Variants in CACNG2 observed in about 807,000 individuals in gnomAD.
CACNG2 encodes calcium voltage-gated channel auxiliary subunit gamma 2, also known as voltage-dependent calcium channel gamma-2 subunit.
Under a neutral mutation model 25.9 loss-of-function variants are expected in CACNG2, and 3 were observed. The ratio of observed to expected loss-of-function variants is 0.12; its 90% confidence interval spans 0.05 to 0.30. The LOEUF is 0.30. CACNG2 is among the 10% of genes least tolerant of loss of function. The pLI is 1.00. For missense variants in CACNG2, 341 were observed against 432.5 expected (o/e 0.79, Z 1.88); for synonymous variants, 167 against 173.3 (o/e 0.96, Z 0.29).
intron 1 of CACNG2, among the ~76,000 whole-genome samples, chr22:36,672,193 G>A (rs981816093): frequency 2.0e-5 from 3 of 151,246 alleles, no homozygotes; most frequent in African/African-American, 7.3e-5. Context: ...GGGTTTCTCT[G>A]TTACCCAGGC....
intron 1 of CACNG2, among the ~76,000 whole-genome samples, chr22:36,690,369 C>A (rs12166619): frequency 7.6e-3 from 6 of 788 alleles, no homozygotes; most frequent in South Asian, 0.12. Context: ...TTTTTCCCCC[C>A]AAGGAACCAA....
chr22:36,660,248 C>CAAATATTTGCCAAATTCCCTTCCA (rs1285338689), intron 1 of CACNG2, among the ~76,000 whole-genome samples: 17 of 152,354 alleles, frequency 1.1e-4, no homozygotes, highest in Middle Eastern at 3.4e-3. Context: ...GGCTGCTCAG[C>CAAATATTTGCCAAATTCCCTTCCA]AAATATTTGC....
intron 1 of CACNG2, among the ~76,000 whole-genome samples, chr22:36,658,821 G>A (rs1205431253): frequency 6.6e-6 from 1 of 152,150 alleles, no homozygotes; most frequent in Non-Finnish European, 1.5e-5. Flanking sequence ...GGGCAAGAGT[G>A]TGCGGGGAAG....
intron 1 of CACNG2, among the ~76,000 whole-genome samples, chr22:36,698,537 G>C (rs953904142): frequency 7.9e-5 from 12 of 152,062 alleles, no homozygotes; most frequent in Non-Finnish European, 1.6e-4. Context: ...GTATCACCTC[G>C]CAGGCCATCA....
At chr22:36,694,475 A>T (rs1253672488) in intron 1 of CACNG2, among the ~76,000 whole-genome samples, 2 of 152,178 alleles carry the variant, frequency 1.3e-5, no homozygotes, top group Non-Finnish European at 2.9e-5. Flanking sequence ...CACAGTTAAC[A>T]TCTCTTATTC....
At chr22:36,670,282 GA>G (rs1936930368) in intron 1 of CACNG2, among the ~76,000 whole-genome samples, 1 of 152,118 alleles carries the variant, frequency 6.6e-6, no homozygotes, top group Non-Finnish European at 1.5e-5. Flanking sequence ...TTCATTTTTT[GA>G]AACCCAATTC....
chr22:36,592,691 G>A (rs1376468195), intron 1 of CACNG2, among the ~76,000 whole-genome samples: 2 of 152,128 alleles, frequency 1.3e-5, no homozygotes, highest in African/African-American at 4.8e-5. Flanking sequence ...GCTGTTATGA[G>A]CTAAATGATG....
chr22:36,633,595 C>T (rs1936308983), intron 1 of CACNG2, among the ~76,000 whole-genome samples: 1 of 152,342 alleles, frequency 6.6e-6, no homozygotes, highest in Middle Eastern at 3.4e-3. Context: ...TATGGTTAGA[C>T]AGCTATTTAG....
intron 1 of CACNG2, among the ~76,000 whole-genome samples, chr22:36,691,448 C>A (rs738516): frequency 0.6 from 90,614 of 152,072 alleles, 28,553 homozygotes; most frequent in East Asian, 0.77. Flanking sequence ...CCACCCTGCC[C>A]TGGATAAGCT....
At chr22:36,688,391 T>C (rs142050859) in intron 1 of CACNG2, among the ~76,000 whole-genome samples, 69 of 151,370 alleles carry the variant, frequency 4.6e-4, no homozygotes, top group African/African-American at 1.6e-3. Context: ...AAAAAAAAAA[T>C]TAGCTCAGTG....
chr22:36,671,350 A>G (rs1936946246), intron 1 of CACNG2, among the ~76,000 whole-genome samples: 1 of 152,228 alleles, frequency 6.6e-6, no homozygotes, highest in Non-Finnish European at 1.5e-5. Flanking sequence ...AGGCTGAAAA[A>G]TATCACTCTG....
At chr22:36,581,584 G>C (rs997852761) in intron 2 of CACNG2, among the ~76,000 whole-genome samples, 1 of 152,170 alleles carries the variant, frequency 6.6e-6, no homozygotes, top group African/African-American at 2.4e-5. Flanking sequence ...AGCTGGTGTA[G>C]CAAGGATGGT....
At position 36,702,571 on chromosome 22, in the gene CACNG2, C is replaced by T. The variant is rs1340600282; in HGVS notation, c.6G>A (p.Gly2=). M[G]LFDRGVQMLL... is the part of the protein sequence containing the mutation. ...GCATTTGAACACCTCGATCAAACAG[C>T]CCCATAATTCTTCATTATATAAACA... is the stretch of plus-strand genomic sequence containing the variant. The change falls in exon 1 of 4, where the codon GGG becomes GGA. Residue 2 remains glycine, a synonymous_variant. Transcript: ENST00000300105. 3 of 1,613,214 alleles carry T rather than the reference C, an allele frequency of 1.9e-6. No homozygotes were observed. The highest frequency in any genetic ancestry group is 2.5e-6 in the Non-Finnish European group (3 of 1,179,386).
At chr22:36,683,089 C>T (rs551170816) in intron 1 of CACNG2, among the ~76,000 whole-genome samples, 59 of 152,340 alleles carry the variant, frequency 3.9e-4, no homozygotes, top group South Asian at 6.2e-4. Context: ...TTGCTCTCAG[C>T]GCTTCCTTTG....
At chr22:36,696,083 A>G (rs1937336203) in intron 1 of CACNG2, among the ~76,000 whole-genome samples, 1 of 152,192 alleles carries the variant, frequency 6.6e-6, no homozygotes, top group African/African-American at 2.4e-5. Flanking sequence ...CTGGATTTAT[A>G]TCTTCTCCTC....
At chr22:36,657,552 ATCT>A (rs1017041408) in intron 1 of CACNG2, among the ~76,000 whole-genome samples, 4 of 151,972 alleles carry the variant, frequency 2.6e-5, no homozygotes, top group Non-Finnish European at 5.9e-5. Flanking sequence ...TATTGGATAA[ATCT>A]TCTCTGGATT....
chr22:36,683,049 C>T (rs1043736278), intron 1 of CACNG2, among the ~76,000 whole-genome samples: 8 of 152,218 alleles, frequency 5.3e-5, no homozygotes, highest in African/African-American at 1.9e-4. Context: ...AGCTCATGAT[C>T]GCTCCGGGCC....
chr22:36,601,704 C>T (rs1187845304), intron 1 of CACNG2, among the ~76,000 whole-genome samples: 4 of 152,030 alleles, frequency 2.6e-5, no homozygotes, highest in South Asian at 2.1e-4. Flanking sequence ...AGGCTGGTCT[C>T]GAACTCCTGA....
Position 36,566,508 on chromosome 22 carries a change from G to A in CACNG2, c.296-15C>T, listed in dbSNP as rs751202667. ...CCTCACGGCCCCTGTGGAACACAGA[G>A]GGTCAGGGAGAAAGAGAACGGCATG... On this transcript the variant is annotated splice_polypyrimidine_tract_variant and intron_variant, in intron 2 of 3. Transcript: ENST00000300105. 19 of 1,613,810 alleles carry A rather than the reference G, an allele frequency of 1.2e-5. No homozygotes were observed. The South Asian group carries it at 2.0e-4, about 17-fold the overall frequency.
Sources: allele counts gnomAD v4.1 joint callset (sites outside exome capture counted in the v4.1 genomes callset), GRCh38; gene constraint gnomAD v4.1.1; transcripts MANE v1.5; gene names NCBI Gene and HGNC (gene_info 2026-07-23, HGNC 2026-07-21).